Variants in CNTN5 observed in about 807,000 individuals in gnomAD.
The protein encoded by CNTN5 is contactin-5.
In CNTN5, 77 loss-of-function variants were observed where a neutral mutation model predicts 129.1. The observed-to-expected ratio is 0.60, with a 90% CI of 0.50 to 0.72. The LOEUF (loss-of-function observed/expected upper bound fraction) is 0.72, where lower values mean the gene tolerates loss of function less well. CNTN5 is among the 30% of genes least tolerant of loss of function. The pLI, the probability that CNTN5 is intolerant of heterozygous loss-of-function variation, is 0.00. For synonymous variants in CNTN5, 509 were observed against 465.6 expected (o/e 1.09, Z -1.20); for missense variants, 1,478 against 1,328.8 (o/e 1.11, Z -1.75).
chr11:100,308,581 G>T (rs1951406966), intron 21 of CNTN5, 113 bp downstream of exon 21: 3 of 1,426,978 alleles, frequency 2.1e-6, no homozygotes. Context: ...TAGAAATTTT[G>T]CTCTATGTTA....
intron 3 of CNTN5, among the ~76,000 whole-genome samples, chr11:99,639,748 G>T (rs1951702239): frequency 6.6e-6 from 1 of 151,744 alleles, no homozygotes; most frequent in South Asian, 2.1e-4. Flanking sequence ...GTATTTAGTG[G>T]AGATGAGGTT....
chr11:99,346,227 A>G (rs1468410116), intron 2 of CNTN5, among the ~76,000 whole-genome samples: 3 of 152,238 alleles, frequency 2.0e-5, no homozygotes, highest in African/African-American at 7.2e-5. Context: ...CTGAGAGGCA[A>G]GCAATAATTC....
chr11:99,613,539 G>A (rs547560916), intron 3 of CNTN5, among the ~76,000 whole-genome samples: 2 of 152,232 alleles, frequency 1.3e-5, no homozygotes, highest in Non-Finnish European at 2.9e-5. Flanking sequence ...AAAGTAAAGC[G>A]AGAATAAAAT....
chr11:100,155,237 A>G (rs970401575), intron 13 of CNTN5, among the ~76,000 whole-genome samples: 34 of 152,186 alleles, frequency 2.2e-4, no homozygotes, highest in Middle Eastern at 3.2e-3. Context: ...TTTTCTGCAT[A>G]TGGCTATCCA....
intron 2 of CNTN5, among the ~76,000 whole-genome samples, chr11:99,360,533 C>T (rs528150773): frequency 3.9e-5 from 6 of 152,266 alleles, no homozygotes; most frequent in African/African-American, 1.4e-4. Flanking sequence ...CCAAGGTTTA[C>T]CTCTGGCAGC....
intron 2 of CNTN5, among the ~76,000 whole-genome samples, chr11:99,500,834 G>C (rs547922671): frequency 6.6e-6 from 1 of 152,050 alleles, no homozygotes; most frequent in Admixed American, 6.6e-5. Flanking sequence ...TTGTCAATAA[G>C]TATGTTTATT....
intron 3 of CNTN5, among the ~76,000 whole-genome samples, chr11:99,798,944 CA>C (rs2135471189): frequency 6.6e-6 from 1 of 152,176 alleles, no homozygotes; most frequent in Admixed American, 6.5e-5. Context: ...TTTCTCTTAG[CA>C]GCATTTGGTA....
chr11:99,682,852 A>G (rs1215243548), intron 3 of CNTN5, among the ~76,000 whole-genome samples: 1 of 151,942 alleles, frequency 6.6e-6, no homozygotes, highest in Admixed American at 6.6e-5. Flanking sequence ...GTGTTGTTTC[A>G]TGTTGCTCAT....
intron 2 of CNTN5, among the ~76,000 whole-genome samples, chr11:99,426,217 A>G (rs1394554236): frequency 6.6e-6 from 1 of 152,222 alleles, no homozygotes; most frequent in Non-Finnish European, 1.5e-5. Flanking sequence ...GAAGTCAAAA[A>G]GACTGAATTT....
chr11:100,080,768 AGTGT>A (rs1944333077), intron 13 of CNTN5, among the ~76,000 whole-genome samples: 1 of 152,120 alleles, frequency 6.6e-6, no homozygotes, highest in Non-Finnish European at 1.5e-5. Context: ...GGTTTTCCTT[AGTGT>A]GTAAGAAATT....
chr11:100,167,138 G>A (rs1040649411), intron 13 of CNTN5, among the ~76,000 whole-genome samples: 2 of 151,080 alleles, frequency 1.3e-5, no homozygotes, highest in East Asian at 2.0e-4. Flanking sequence ...TCCAAACCCC[G>A]CCCCCAAATT....
intron 24 of CNTN5, 111 bp from the exon 25 acceptor site, chr11:100,356,006 C>A (rs1952514272): frequency 1.4e-6 from 1 of 694,560 alleles, no homozygotes; most frequent in East Asian, 2.7e-5. Flanking sequence ...ACACTCTCAT[C>A]AGAAACAGGA....
intron 7 of CNTN5, among the ~76,000 whole-genome samples, chr11:99,924,234 T>C (rs886187824): frequency 1.3e-5 from 2 of 152,246 alleles, no homozygotes; most frequent in Admixed American, 6.5e-5. Flanking sequence ...ATGTTTTCTT[T>C]TGAGAAGTGT....
chr11:99,832,255 C>G (rs1947165504), intron 4 of CNTN5, among the ~76,000 whole-genome samples: 1 of 151,996 alleles, frequency 6.6e-6, no homozygotes, highest in Non-Finnish European at 1.5e-5. Flanking sequence ...ATAACATAAC[C>G]ACATTTAACA....
chr11:99,478,346 C>CCTCA (rs2135301929), intron 2 of CNTN5, among the ~76,000 whole-genome samples: 1 of 152,210 alleles, frequency 6.6e-6, no homozygotes, highest in East Asian at 1.9e-4. Context: ...GGGGGCCCAC[C>CCTCA]CTCAGTTTCT....
chr11:99,511,740 A>T (rs1350991732), intron 2 of CNTN5, among the ~76,000 whole-genome samples: 1 of 152,024 alleles, frequency 6.6e-6, no homozygotes, highest in Non-Finnish European at 1.5e-5. Context: ...TATTGGGTGC[A>T]TATATATTTA....
At chr11:99,151,187 C>T (rs535624122) in intron 1 of CNTN5, among the ~76,000 whole-genome samples, 6 of 152,036 alleles carry the variant, frequency 3.9e-5, no homozygotes, top group East Asian at 1.9e-4. Context: ...AGGATTAAAG[C>T]GCCTGCTTTG....
intron 2 of CNTN5, among the ~76,000 whole-genome samples, chr11:99,335,433 G>T (rs761191887): frequency 6.6e-6 from 1 of 151,888 alleles, no homozygotes; most frequent in Non-Finnish European, 1.5e-5. Flanking sequence ...ACTGTTTTTG[G>T]AAGTTGCTTT....
At chr11:99,630,897 T>C (rs1411466318) in intron 3 of CNTN5, among the ~76,000 whole-genome samples, 9 of 152,188 alleles carry the variant, frequency 5.9e-5, no homozygotes, top group African/African-American at 2.2e-4. Flanking sequence ...TTCATGCACA[T>C]TGAAAAGCAC....
Sources: allele counts gnomAD v4.1 joint callset (sites outside exome capture counted in the v4.1 genomes callset), GRCh38; gene constraint gnomAD v4.1.1; transcripts MANE v1.5; gene names NCBI Gene and HGNC (gene_info 2026-07-23, HGNC 2026-07-21).